The following ERBIN variants were observed in gnomAD, a reference collection of about 807,000 sequenced individuals.
ERBIN encodes the protein densin-180-like protein.
In ERBIN, 60 loss-of-function variants were observed where a neutral mutation model predicts 158.4. That is an observed-to-expected ratio of 0.38 (90% CI 0.31 to 0.47). The LOEUF is 0.47. Ranked by LOEUF, ERBIN falls within the 20% of genes least tolerant of loss-of-function variation. The pLI is 0.99. For synonymous variants in ERBIN, 594 were observed against 557.2 expected, an observed-to-expected ratio of 1.07 and a Z score of -0.93; for missense variants, 1,610 against 1,648.0, an observed-to-expected ratio of 0.98 and a Z score of 0.40.
At chr5:65,968,582 A>G (rs570160819) in intron 1 of ERBIN, among the ~76,000 whole-genome samples, 3 of 152,246 alleles carry the variant, frequency 2.0e-5, no homozygotes, top group African/African-American at 7.2e-5. Flanking sequence ...TTTATTTGAG[A>G]CGATGTCTTG....
intron 1 of ERBIN, among the ~76,000 whole-genome samples, chr5:65,928,148 A>G (rs1742898816): frequency 6.6e-6 from 1 of 152,090 alleles, no homozygotes; most frequent in Admixed American, 6.5e-5. Context: ...GTTCTTTGCT[A>G]CTTCAGCTTC....
Position 66,076,965 on chromosome 5 carries a change from C to CTTTT in ERBIN, c.4131+24_4131+27dup. On this transcript the variant is annotated intron_variant, in intron 25 of 25. Transcript: ENST00000284037. ...AATTATTCAGGTAATTAAAATAAAT[C>CTTTT]TTTTTTTTTTTCATTTTATAACACT... 1 of 1,287,322 alleles carries CTTTT rather than the reference C, an allele frequency of 7.8e-7. No homozygotes were observed. Among genetic ancestry groups the CTTTT allele is most frequent in the Non-Finnish European group, 1.1e-6 (1 of 932,090 alleles). The allele number at this position is 1,287,322 out of a possible 1,614,324, so 79.7% of individuals were successfully genotyped here. A position where few individuals can be genotyped will look rare whatever the true frequency, so the allele number is the denominator to read the frequency against.
chr5:66,025,960 C>G lies in ERBIN; in HGVS notation c.1003C>G (p.Gln335Glu), dbSNP rs1415688339. The G allele has an allele frequency of 2.5e-6, 4 of 1,584,644 alleles. No homozygotes were observed. Among genetic ancestry groups the G allele is most frequent in the African/African-American group, 1.4e-5 (1 of 73,050 alleles). ...RTFAADHNYLQQLPPEIGSWK... is the reference protein window; with the variant it reads ...RTFAADHNYLEQLPPEIGSWK... ...TTTTGCTGCTGATCATAATTACTTACAGCAGTTGCCCCCAGAGGTAATGTA... is the reference window on the plus strand; with the variant it reads ...TTTTGCTGCTGATCATAATTACTTAGAGCAGTTGCCCCCAGAGGTAATGTA... The change falls in exon 12 of 26, where the codon CAG becomes GAG. Residue 335 changes from glutamine (Q) to glutamate (E), a missense_variant. This residue lies in a region of ERBIN where 596 missense variants were observed against 711.9 expected (regional missense o/e 0.84). Transcript: ENST00000284037.
intron 1 of ERBIN, among the ~76,000 whole-genome samples, chr5:65,954,882 T>A (rs1746913073): frequency 1.3e-5 from 2 of 151,682 alleles, no homozygotes; most frequent in East Asian, 3.9e-4. Context: ...CTGGGCAACA[T>A]GGTGAAGCTC....
At chr5:66,074,421 G>T (rs913601690) in intron 22 of ERBIN, among the ~76,000 whole-genome samples, 1 of 146,344 alleles carries the variant, frequency 6.8e-6, no homozygotes, top group Non-Finnish European at 1.5e-5. Context: ...TTAATAATAA[G>T]AGATTATAAA....
At chr5:65,962,992 C>T (rs1748084535) in intron 1 of ERBIN, among the ~76,000 whole-genome samples, 1 of 152,060 alleles carries the variant, frequency 6.6e-6, no homozygotes, top group Non-Finnish European at 1.5e-5. Flanking sequence ...GATGATCTGT[C>T]TTGAGATTAA....
intron 21 of ERBIN, among the ~76,000 whole-genome samples, chr5:66,070,420 A>C (rs1371916048): frequency 6.6e-6 from 1 of 152,140 alleles, no homozygotes; most frequent in Non-Finnish European, 1.5e-5. Context: ...CTGGGGGTAA[A>C]GATCAGTGGC....
chr5:65,992,621 C>T, intron 2 of ERBIN, 89 bp from the exon 3 acceptor site: 1 of 959,986 alleles, frequency 1.0e-6, no homozygotes, highest in African/African-American at 1.7e-5. Context: ...TTATCTGTGA[C>T]ATATGAATTG....
chr5:65,947,044 C>T (rs1041944480), intron 1 of ERBIN, among the ~76,000 whole-genome samples: 4 of 151,914 alleles, frequency 2.6e-5, no homozygotes, highest in Non-Finnish European at 4.4e-5. Flanking sequence ...TCTCCCATTC[C>T]ATACCTTATC....
intron 14 of ERBIN, among the ~76,000 whole-genome samples, chr5:66,031,067 GT>G (rs1235399094): frequency 6.6e-6 from 1 of 152,152 alleles, no homozygotes; most frequent in Non-Finnish European, 1.5e-5. Flanking sequence ...AGAATATTGA[GT>G]AAAACAAATC....
chr5:65,958,111 G>A (rs1365111730), intron 1 of ERBIN, among the ~76,000 whole-genome samples: 1 of 152,096 alleles, frequency 6.6e-6, no homozygotes, highest in African/African-American at 2.4e-5. Context: ...TGGCGGCCGG[G>A]AAGAGGCGCT....
At chr5:66,030,340 C>G (rs1756733930) in intron 14 of ERBIN, among the ~76,000 whole-genome samples, 1 of 152,158 alleles carries the variant, frequency 6.6e-6, no homozygotes, top group Non-Finnish European at 1.5e-5. Context: ...CCACGCCCAG[C>G]TTTACTGGAG....
At chr5:65,991,832 A>G (rs1337542064) in intron 2 of ERBIN, among the ~76,000 whole-genome samples, 9 of 152,208 alleles carry the variant, frequency 5.9e-5, no homozygotes, top group Non-Finnish European at 1.2e-4. Context: ...AACCTTAAAC[A>G]CATTTAAGAC....
Position 65,949,719 on chromosome 5 carries a change from A to G in ERBIN, c.-58+22913A>G, listed in dbSNP as rs570465283. Among the ~76,000 whole-genome samples the G allele has an allele frequency of 1.6e-4, 24 of 152,358 alleles. 1 individual carries two copies. The South Asian group carries it at 4.1e-3, about 26-fold the overall frequency. ...ACTAAGAAATTAACCTTGATAAAATACTATTAATTAAACTACAGAGTTTAA... is the reference window on the plus strand; with the variant it reads ...ACTAAGAAATTAACCTTGATAAAATGCTATTAATTAAACTACAGAGTTTAA... On this transcript the variant is annotated intron_variant, in intron 1 of 25. Coordinates refer to ENST00000284037, the MANE Select transcript of ERBIN (RefSeq NM_001253697.2).
At chr5:66,052,158 C>G (rs1002107930) in intron 20 of ERBIN, among the ~76,000 whole-genome samples, 1 of 148,608 alleles carries the variant, frequency 6.7e-6, no homozygotes, top group Non-Finnish European at 1.5e-5. Context: ...GATCAGGCTA[C>G]TGCACTCCAG....
chr5:66,074,886 T>C (rs1429529436), intron 22 of ERBIN, 138 bp from the exon 23 acceptor site: 2 of 686,886 alleles, frequency 2.9e-6, no homozygotes, highest in African/African-American at 3.6e-5. Flanking sequence ...TATAGAAAAA[T>C]AGTAAGTGGC....
intron 15 of ERBIN, 79 bp from the exon 16 acceptor site, chr5:66,042,996 CAT>C (rs1758067232): frequency 9.3e-7 from 1 of 1,076,338 alleles, no homozygotes; most frequent in South Asian, 1.5e-5. Flanking sequence ...GAACATAACT[CAT>C]ACAGAAATTA....
intron 15 of ERBIN, among the ~76,000 whole-genome samples, chr5:66,041,334 T>G (rs770873226): frequency 4.6e-5 from 7 of 151,962 alleles, no homozygotes; most frequent in African/African-American, 7.2e-5. Flanking sequence ...ATAGGGACAT[T>G]GGGATTGAGG....
At chr5:66,023,594 T>TA (rs1273192472) in intron 9 of ERBIN, among the ~76,000 whole-genome samples, 6 of 152,132 alleles carry the variant, frequency 3.9e-5, no homozygotes, top group African/African-American at 1.4e-4. Context: ...TCCTTTCCAA[T>TA]GGTATCACTT....
Sources: gnomAD v4.1 joint callset for allele counts (sites outside exome capture counted in the v4.1 genomes callset) on GRCh38, gnomAD v4.1.1 for gene constraint, gnomAD v4.1.1 regional missense constraint, MANE v1.5 for transcripts, NCBI Gene and HGNC (gene_info 2026-07-23, HGNC 2026-07-21) for gene names.